EPS8L2: variants seen among roughly 807,000 people sequenced by gnomAD.
The protein encoded by EPS8L2 is epidermal growth factor receptor kinase substrate 8-like protein 2.
EPS8L2 carries 81 observed loss-of-function variants against 99.4 expected under a neutral mutation model. That is an observed-to-expected ratio of 0.82 (90% CI 0.68 to 0.98). The LOEUF is 0.98. Among genes scored for constraint, EPS8L2 ranks in the 50% least tolerant of loss-of-function variants. EPS8L2 has a pLI of 0.00. For synonymous variants in EPS8L2, 509 were observed against 407.3 expected (o/e 1.25, Z -3.01); for missense variants, 1,155 against 968.8 (o/e 1.19, Z -2.55).
chr11:726,016 T>C, intron 17 of EPS8L2, 82 bp from the exon 18 acceptor site: 3 of 1,300,862 alleles, frequency 2.3e-6, no homozygotes, highest in Admixed American at 4.7e-5. Flanking sequence ...TGTAGGGGGA[T>C]TGGCGGGGTG....
rs1564977710 is a variant in EPS8L2, at chr11:722,451, A to C, written c.1110A>C (p.Pro370=). The C allele has an allele frequency of 6.2e-7, 1 of 1,613,438 alleles. No individual in the cohort carries two copies. Among genetic ancestry groups the C allele is most frequent in the East Asian group, 2.2e-5 (1 of 44,870 alleles). The change falls in exon 13 of 21, where the codon CCA becomes CCC. Residue 370 remains proline, a synonymous_variant. Transcript: ENST00000318562. ...ACATCGCACGCTCCGTCTCCTGCCC[A>C]CTGCTCTCCCGAGATGCCGTGGACT... The part of the protein sequence containing the change: ...GPDIARSVSC[P]LLSRDAVDFL...
chr11:708,968 C>T (rs1861809558), intron 1 of EPS8L2: 2 of 137,726 alleles, frequency 1.5e-5, no homozygotes, highest in South Asian at 5.0e-4. Flanking sequence ...CCCCCACACT[C>T]CCACCTCATC....
chr11:725,691 C>T, intron 16 of EPS8L2, 37 bp from the exon 17 acceptor site: 1 of 1,303,260 alleles, frequency 7.7e-7, no homozygotes. Context: ...CCCCGCAGAG[C>T]CTGGGTGTGG....
intron 3 of EPS8L2, 23 bp downstream of exon 3, chr11:709,631 C>T (rs774156092): frequency 1.9e-6 from 3 of 1,611,098 alleles, no homozygotes; most frequent in Non-Finnish European, 2.5e-6. Context: ...TGAGAACGGG[C>T]TGGACGTCAC....
intron 9 of EPS8L2, 45 bp downstream of exon 9, chr11:721,397 C>G (rs1476074900): frequency 1.3e-6 from 2 of 1,531,884 alleles, no homozygotes; most frequent in African/African-American, 2.7e-5. Flanking sequence ...TCCCCGCCCC[C>G]AGCAGTGGAC....
Position 709,630 on chromosome 11 carries a change from G to A in EPS8L2, c.100+22G>A, listed in dbSNP as rs768996172. 3 of 1,611,402 alleles carry A rather than the reference G, an allele frequency of 1.9e-6. No homozygotes were observed. The Admixed American group carries it at 5.0e-5, about 27-fold the overall frequency. ...TTTGGTGAGTGAGGTTTGAGAACGG[G>A]CTGGACGTCACAGGGGAGAAATGGG... On this transcript the variant is annotated intron_variant, in intron 3 of 20. Transcript: ENST00000318562.
intron 4 of EPS8L2, among the ~76,000 whole-genome samples, chr11:715,099 A>G (rs1048662891): frequency 1.7e-4 from 26 of 152,220 alleles, no homozygotes; most frequent in East Asian, 9.6e-4. Flanking sequence ...AAAATTAGCC[A>G]GGTGGGATGG....
chr11:709,678 G>C (rs1861833519), intron 3 of EPS8L2, 70 bp downstream of exon 3: 3 of 1,540,440 alleles, frequency 1.9e-6, no homozygotes. Flanking sequence ...GTGGGGGACA[G>C]CTGCTCCTGC....
Position 721,093 on chromosome 11 carries a change from A to T in EPS8L2, c.587A>T (p.Gln196Leu). The T allele has an allele frequency of 6.6e-7, 1 of 1,514,178 alleles. No homozygotes were observed. Among genetic ancestry groups the T allele is most frequent in the Non-Finnish European group, 8.8e-7 (1 of 1,132,248 alleles). The allele number at this position is 1,514,178 out of a possible 1,614,324, so 93.8% of individuals were successfully genotyped here. A position where few individuals can be genotyped will look rare whatever the true frequency, so the allele number is the denominator to read the frequency against. Reference sequence around the variant, plus strand: ...CACCAGGAGAAGATTCGGCAGCGGCAGTCCATCCTGCCTCCTCCCCAGGGC... The same window carrying T: ...CACCAGGAGAAGATTCGGCAGCGGCTGTCCATCCTGCCTCCTCCCCAGGGC... ...KGHQEKIRQRQSILPPPQGPA... is the reference protein window; with the variant it reads ...KGHQEKIRQRLSILPPPQGPA... Residue 196 changes from glutamine (Q) to leucine (L), a missense_variant, in exon 8 of 21, where the codon CAG becomes CTG. Transcript: ENST00000318562.
chr11:721,713 C>T (rs1160064892), intron 10 of EPS8L2, 22 bp downstream of exon 10: 2 of 1,567,288 alleles, frequency 1.3e-6, no homozygotes, highest in African/African-American at 1.4e-5. Context: ...AGGGACGGGG[C>T]CGGCAGGTGC....
chr11:724,940 ACGGGGCACAGCTGCTGGCC>A lies in EPS8L2; in HGVS notation c.1560+113_1560+131del. ...TAGGGCCAGGCTGGGTGATGCCAGG[ACGGGGCACAGCTGCTGGCC>A]CCTTTCTCCAGGGTCCCCGCCCTTG... On this transcript the variant is annotated intron_variant, in intron 16 of 20. Transcript: ENST00000318562. This position sits in a 1 kb window ranked among gnomAD's most constrained non-coding sequence, Gnocchi z 5.5. 1.3e-6 allele frequency: 1 copy of A among 775,382 alleles called. No individual in the cohort carries two copies. Among genetic ancestry groups the A allele is most frequent in the Non-Finnish European group, 2.2e-6 (1 of 456,076 alleles). 48.0% of individuals were successfully genotyped at this position (775,382 alleles called of 1,614,324 possible). A position where few individuals can be genotyped will look rare whatever the true frequency, so the allele number is the denominator to read the frequency against.
chr11:710,966 G>A (rs990119627), intron 4 of EPS8L2, among the ~76,000 whole-genome samples: 5 of 152,202 alleles, frequency 3.3e-5, no homozygotes, highest in African/African-American at 1.2e-4. Flanking sequence ...GGGTGTGCCG[G>A]GAAAACACTG....
In EPS8L2 at chr11:712,052, G is replaced by A. The variant is rs570224453; in HGVS notation, c.165+1566G>A. On this transcript the variant is annotated intron_variant, in intron 4 of 20. Transcript: ENST00000318562. ...TGTAATCCCAGCACTTTGGGAGGCC[G>A]AGGCGGGTGGATCACCTGACGTCAG... 9.8e-4 allele frequency among the ~76,000 whole-genome samples: 149 copies of A among 151,956 alleles called. 1 individual carries two copies. Among genetic ancestry groups the A allele is most frequent in the Admixed American group, 4.8e-3 (73 of 15,254 alleles).
intron 7 of EPS8L2, 50 bp from the exon 8 acceptor site, chr11:721,014 G>A (rs561968045): frequency 2.1e-6 from 3 of 1,438,012 alleles, no homozygotes; most frequent in East Asian, 2.5e-5. Context: ...CAGGGAGGGA[G>A]GGTCAGGTGC....
chr11:707,075 G>T (rs1358805587), intron 1 of EPS8L2, among the ~76,000 whole-genome samples: 1 of 151,984 alleles, frequency 6.6e-6, no homozygotes, highest in East Asian at 1.9e-4. Context: ...GTCCTGGGTC[G>T]GCTGTGCTGG....
rs760648744 is a variant in EPS8L2, at chr11:709,574, C to T, written c.66C>T (p.Asp22=). The change falls in exon 3 of 21, where the codon GAC becomes GAT. Residue 22 remains aspartate, a synonymous_variant. Transcript: ENST00000318562. ...GCAGTGGCAGCCTGGGCCGGTCCGACGGTGTGGCCAAGATGAGCCCCAAGG... is the reference window on the plus strand; with the variant it reads ...GCAGTGGCAGCCTGGGCCGGTCCGATGGTGTGGCCAAGATGAGCCCCAAGG... The part of the protein sequence containing the change: ...GATNGSLGRS[D]GVAKMSPKDL... The T allele has an allele frequency of 2.2e-5, 35 of 1,612,918 alleles. No homozygotes were observed. In the African/African-American group the frequency reaches 2.5e-4, roughly 12 times the overall value.
At chr11:713,194 T>G (rs1322455737) in intron 4 of EPS8L2, among the ~76,000 whole-genome samples, 1 of 152,236 alleles carries the variant, frequency 6.6e-6, no homozygotes, top group Admixed American at 6.5e-5. Context: ...GGGGGGCACC[T>G]GAGCCCGGGT....
At position 721,013 on chromosome 11, in the gene EPS8L2, A is replaced by ACGGG. The variant is rs1564975880; in HGVS notation, c.558-51_558-50insCGGG. ...GAGGGGAGGAGCCCGGCAGGGAGGG[A>ACGGG]GGGTCAGGTGCGTTCCCGGCGGGGC... On this transcript the variant is annotated intron_variant, in intron 7 of 20. Coordinates refer to ENST00000318562, the MANE Select transcript of EPS8L2 (RefSeq NM_022772.4). The ACGGG allele has an allele frequency of 2.2e-5, 20 of 907,694 alleles. No homozygotes were observed. The African/African-American group carries it at 3.8e-4, about 17-fold the overall frequency. 56.2% of individuals were successfully genotyped at this position (907,694 alleles called of 1,614,324 possible).
At chr11:720,796 C>G (rs1056665536) in intron 6 of EPS8L2, 34 bp from the exon 7 acceptor site, 7 of 1,543,394 alleles carry the variant, frequency 4.5e-6, no homozygotes, top group South Asian at 1.2e-5. Flanking sequence ...CGCCGCGCCC[C>G]GCCCTCCTGG....
Sources: gnomAD v4.1 joint callset for allele counts (sites outside exome capture counted in the v4.1 genomes callset) on GRCh38, gnomAD v4.1.1 for gene constraint, Gnocchi (gnomAD v3.1) non-coding constraint, MANE v1.5 for transcripts, NCBI Gene and HGNC (gene_info 2026-07-23, HGNC 2026-07-21) for gene names.